PLPP3: variants seen among roughly 807,000 people sequenced by gnomAD.
PLPP3 encodes PAP2 beta.
In PLPP3, 6 loss-of-function variants were observed where a neutral mutation model predicts 29.6. The ratio of observed to expected loss-of-function variants is 0.20; its 90% confidence interval spans 0.11 to 0.40. PLPP3 has a LOEUF of 0.40. Among genes scored for constraint, PLPP3 ranks in the 10% least tolerant of loss-of-function variants. The pLI, the probability that PLPP3 is intolerant of heterozygous loss-of-function variation, is 1.00. For missense variants in PLPP3, 308 were observed against 407.7 expected (o/e 0.76, Z 2.11); for synonymous variants, 152 against 159.7 (o/e 0.95, Z 0.36).
intron 1 of PLPP3, among the ~76,000 whole-genome samples, chr1:56,567,902 A>G (rs1646172265): frequency 6.6e-6 from 1 of 152,218 alleles, no homozygotes; most frequent in Non-Finnish European, 1.5e-5. Flanking sequence ...AATGTTCATC[A>G]AGTGGTGAAG....
intron 1 of PLPP3, among the ~76,000 whole-genome samples, chr1:56,567,384 A>C (rs562934029): frequency 6.6e-6 from 1 of 150,792 alleles, no homozygotes; most frequent in African/African-American, 2.4e-5. Flanking sequence ...CATTAATCTT[A>C]AGGTATTTCT....
chr1:56,543,255 T>C (rs1479456949), intron 1 of PLPP3, among the ~76,000 whole-genome samples: 7 of 152,164 alleles, frequency 4.6e-5, no homozygotes, highest in Non-Finnish European at 4.4e-5. Flanking sequence ...ATTAATTTAA[T>C]CTCCACGATA....
intron 5 of PLPP3, among the ~76,000 whole-genome samples, chr1:56,508,141 A>G (rs541097649): frequency 6.6e-6 from 1 of 152,366 alleles, no homozygotes; most frequent in East Asian, 1.9e-4. Flanking sequence ...CTAATACAGA[A>G]GGTTTCATCA....
At chr1:56,557,008 A>AGAG (rs1646083171) in intron 1 of PLPP3, among the ~76,000 whole-genome samples, 9 of 13,746 alleles carry the variant, frequency 6.5e-4, no homozygotes, top group East Asian at 1.4e-3. Context: ...GAAAGAAAGA[A>AGAG]AGAGAGAGAG....
chr1:56,530,713 T>C (rs1557505016), intron 2 of PLPP3, among the ~76,000 whole-genome samples: 1 of 84,530 alleles, frequency 1.2e-5, no homozygotes, highest in Non-Finnish European at 2.6e-5. Context: ...AATACTCTCA[T>C]CAACCTCTAG....
chr1:56,505,845 G>A (rs912628098), intron 5 of PLPP3, among the ~76,000 whole-genome samples: 5 of 152,112 alleles, frequency 3.3e-5, no homozygotes, highest in South Asian at 2.1e-4. Context: ...GCTGGAGGTC[G>A]GAACCTCTAG....
intron 5 of PLPP3, among the ~76,000 whole-genome samples, chr1:56,503,677 C>T (rs1163723436): frequency 1.3e-5 from 2 of 152,212 alleles, no homozygotes; most frequent in East Asian, 3.9e-4. Context: ...GAAACTCCAT[C>T]TCCAAAAAAA....
intron 1 of PLPP3, among the ~76,000 whole-genome samples, chr1:56,556,645 A>C (rs1382174288): frequency 4.0e-5 from 6 of 151,730 alleles, no homozygotes; most frequent in Non-Finnish European, 8.8e-5. Flanking sequence ...GGTTTTTGAG[A>C]CCCTGTCTCA....
chr1:56,553,270 C>T (rs1465931051), intron 1 of PLPP3, among the ~76,000 whole-genome samples: 4 of 152,160 alleles, frequency 2.6e-5, no homozygotes, highest in African/African-American at 9.7e-5. Flanking sequence ...GATATCCCAG[C>T]AGGGACTCAA....
intron 2 of PLPP3, among the ~76,000 whole-genome samples, chr1:56,534,722 G>A (rs1206027675): frequency 6.6e-6 from 1 of 152,216 alleles, no homozygotes; most frequent in East Asian, 1.9e-4. Context: ...ATGCAAAAGT[G>A]AATTATCCCC....
chr1:56,531,344 G>A (rs1003552877), intron 2 of PLPP3, among the ~76,000 whole-genome samples: 5 of 152,104 alleles, frequency 3.3e-5, no homozygotes, highest in African/African-American at 9.7e-5. Context: ...TAATCCTATA[G>A]TCAGACTTGT....
chr1:56,565,698 G>A (rs1557516099), intron 1 of PLPP3, among the ~76,000 whole-genome samples: 1 of 152,182 alleles, frequency 6.6e-6, no homozygotes, highest in Non-Finnish European at 1.5e-5. Flanking sequence ...TGGGATTACA[G>A]GTGTGAGCCA....
rs531864234 is a variant in PLPP3 at position 56,506,388 on chromosome 1, C to T, written c.810+5588G>A. 5.3e-5 allele frequency among the ~76,000 whole-genome samples: 8 copies of T among 152,280 alleles called. No homozygotes were observed. The South Asian group carries it at 1.7e-3, about 32-fold the overall frequency. On this transcript the variant is annotated intron_variant, in intron 5 of 5. Transcript: ENST00000371250. Reference sequence around the variant, plus strand: ...TGCTGGTGTCTTTTCCCAAGGTCACCTCACTGGGGCAGAGACAAAGAACGC... The same window carrying T: ...TGCTGGTGTCTTTTCCCAAGGTCACTTCACTGGGGCAGAGACAAAGAACGC...
At chr1:56,570,383 A>G (rs918913862) in intron 1 of PLPP3, among the ~76,000 whole-genome samples, 6 of 152,212 alleles carry the variant, frequency 3.9e-5, no homozygotes, top group Non-Finnish European at 5.9e-5. Context: ...TTAGGCATAT[A>G]ATTTTGTTAA....
chr1:56,552,533 G>A (rs1180011343), intron 1 of PLPP3, among the ~76,000 whole-genome samples: 2 of 152,110 alleles, frequency 1.3e-5, no homozygotes, highest in Admixed American at 6.5e-5. Context: ...CAACCTTATT[G>A]TGTGCCAGGA....
rs111346709 is a variant in PLPP3, at chr1:56,560,676, C to A, written c.139+18202G>T. 1.7e-3 allele frequency among the ~76,000 whole-genome samples: 259 copies of A among 152,210 alleles called. 1 individual carries two copies. The highest frequency in any genetic ancestry group is 6.0e-3 in the African/African-American group (250 of 41,540). On this transcript the variant is annotated intron_variant, in intron 1 of 5. Coordinates refer to ENST00000371250, the MANE Select transcript of PLPP3 (RefSeq NM_003713.5). ...CTTAAAGCCCCCCCACCTTCCATCACCTTGGTGATTAGGTTTCAGGATATG... is the reference window on the plus strand; with the variant it reads ...CTTAAAGCCCCCCCACCTTCCATCAACTTGGTGATTAGGTTTCAGGATATG...
At chr1:56,525,536 A>G (rs1005063119) in intron 2 of PLPP3, among the ~76,000 whole-genome samples, 5 of 152,196 alleles carry the variant, frequency 3.3e-5, no homozygotes, top group Non-Finnish European at 4.4e-5. Context: ...AGATAGATAT[A>G]GTGACATCAT....
Position 56,558,710 on chromosome 1 carries a change from T to C in PLPP3, c.139+20168A>G, listed in dbSNP as rs118134530. 3.8e-4 allele frequency among the ~76,000 whole-genome samples: 58 copies of C among 152,318 alleles called. No individual in the cohort carries two copies. In the East Asian group the frequency reaches 8.9e-3, roughly 23 times the overall value. On this transcript the variant is annotated intron_variant, in intron 1 of 5. Transcript: ENST00000371250. ...AGTTTACTACAACACTTGATCCAGG[T>C]TATAAGCTACCAAGTGATGGGGCCA...
chr1:56,496,416 A>AT lies in PLPP3; in HGVS notation c.*134dup, dbSNP rs149661789. ...ATTTTGGAAGGCCACATAGTAAAACATTTTTTTTTTCCTTTTTAAAAATCA... is the reference window on the plus strand; with the variant it reads ...ATTTTGGAAGGCCACATAGTAAAACATTTTTTTTTTTCCTTTTTAAAAATCA... On this transcript the variant is annotated 3_prime_UTR_variant, in exon 6 of 6. Coordinates refer to ENST00000371250, the MANE Select transcript of PLPP3 (RefSeq NM_003713.5). The AT allele has an allele frequency of 8.6e-3, 9,182 of 1,069,406 alleles. No homozygotes were observed. Among genetic ancestry groups the AT allele is most frequent in the Middle Eastern group, 0.01 (36 of 3,494 alleles). The allele number at this position is 1,069,406 out of a possible 1,614,324, so 66.2% of individuals were successfully genotyped here. A position where few individuals can be genotyped will look rare whatever the true frequency, so the allele number is the denominator to read the frequency against.
Sources: gnomAD v4.1 joint callset for allele counts (sites outside exome capture counted in the v4.1 genomes callset) on GRCh38, gnomAD v4.1.1 for gene constraint, MANE v1.5 for transcripts, NCBI Gene and HGNC (gene_info 2026-07-23, HGNC 2026-07-21) for gene names.